CPVL: variants seen among roughly 807,000 people sequenced by gnomAD.
The protein encoded by CPVL is carboxypeptidase vitellogenic like.
In CPVL, 51 loss-of-function variants were observed where a neutral mutation model predicts 63.7. The observed-to-expected ratio is 0.80, with a 90% CI of 0.64 to 1.01. CPVL has a LOEUF of 1.01. CPVL is among the 50% of genes least tolerant of loss of function. CPVL has a pLI of 0.00. For synonymous variants in CPVL, 195 were observed against 206.0 expected (o/e 0.95, Z 0.46); for missense variants, 530 against 573.1 (o/e 0.92, Z 0.77).
At chr7:29,100,920 T>C (rs181438901) in intron 3 of CPVL, among the ~76,000 whole-genome samples, 188 of 152,302 alleles carry the variant, frequency 1.2e-3, no homozygotes, top group African/African-American at 4.0e-3. Flanking sequence ...TAAAAGTATA[T>C]GTGTTCAATG....
chr7:29,096,418 A>T (rs1436643936), intron 3 of CPVL: 23 of 582,598 alleles, frequency 3.9e-5, no homozygotes, highest in Non-Finnish European at 5.8e-5. Context: ...GCTGTGCCTC[A>T]TATGCTGGTG....
At position 29,102,895 on chromosome 7, in the gene CPVL, C is replaced by T. The variant is rs186114591; in HGVS notation, c.289-6678G>A. On this transcript the variant is annotated intron_variant, in intron 3 of 12. Transcript: ENST00000265394. ...ACATTAGCAAATTCCATTGCTTATT[C>T]ACAATGATGATGAAAAATCTACTCC... Among the ~76,000 whole-genome samples, 498 of 152,258 alleles carry T rather than the reference C, an allele frequency of 3.3e-3. 8 individuals carry two copies. The highest frequency in any genetic ancestry group is 0.028 in the Admixed American group (427 of 15,300).
chr7:29,135,671 TAA>T (rs376347647), intron 1 of CPVL, among the ~76,000 whole-genome samples: 156 of 152,042 alleles, frequency 1.0e-3, no homozygotes, highest in East Asian at 7.7e-3. Flanking sequence ...CAGAAATACA[TAA>T]GAGTTATTTA....
chr7:29,095,212 A>T, intron 4 of CPVL, 70 bp from the exon 5 acceptor site: 1 of 1,306,384 alleles, frequency 7.7e-7, no homozygotes, highest in Non-Finnish European at 1.1e-6. Flanking sequence ...CATGGTGGTC[A>T]GAAGCCCAAC....
chr7:29,194,897 T>C (rs753479416), intron 1 of CPVL: 1 of 1,444,350 alleles, frequency 6.9e-7, no homozygotes. Context: ...GGCGGCGGCG[T>C]CCGCACCGGG....
At chr7:29,192,696 TC>T (rs1255283009) in intron 1 of CPVL, 1 of 152,250 alleles carries the variant, frequency 6.6e-6, no homozygotes, top group African/African-American at 2.4e-5. Context: ...CTTCACAGCA[TC>T]CTGTGTTATC....
At chr7:29,084,198 C>T (rs976553842) in intron 7 of CPVL, among the ~76,000 whole-genome samples, 17 of 152,300 alleles carry the variant, frequency 1.1e-4, no homozygotes, top group Admixed American at 1.1e-3. Context: ...CCAAACTCTG[C>T]CACAGGCAGC....
At chr7:29,165,566 C>G (rs951988950) in intron 5 of CPVL, among the ~76,000 whole-genome samples, 2 of 152,062 alleles carry the variant, frequency 1.3e-5, no homozygotes, top group African/African-American at 4.8e-5. Context: ...TTCATTAATA[C>G]ATTTGCCATA....
intron 3 of CPVL, among the ~76,000 whole-genome samples, chr7:29,104,754 G>A (rs1787552703): frequency 6.6e-6 from 1 of 152,170 alleles, no homozygotes; most frequent in Admixed American, 6.5e-5. Context: ...CCTCCTGCCA[G>A]AAAGTTATAC....
At chr7:29,147,204 G>A, upstream of CPVL, 1 of 528,900 alleles carries the variant, frequency 1.9e-6, no homozygotes, top group Non-Finnish European at 3.3e-6. Flanking sequence ...AACTAAAAAA[G>A]GCAAGGAGGT....
chr7:29,086,349 A>G (rs1785201105), intron 7 of CPVL, 135 bp downstream of exon 7: 1 of 534,122 alleles, frequency 1.9e-6, no homozygotes, highest in Non-Finnish European at 3.4e-6. Flanking sequence ...AATTTTGAAT[A>G]AAGGCTGAAT....
At chr7:29,194,711 C>T in intron 1 of CPVL, 1 of 411,868 alleles carries the variant, frequency 2.4e-6, no homozygotes, top group East Asian at 4.0e-5. Flanking sequence ...CATAGAAAAG[C>T]GTGCAAAGGC....
At chr7:28,998,756 G>T (rs1784331474) in intron 12 of CPVL, among the ~76,000 whole-genome samples, 1 of 152,018 alleles carries the variant, frequency 6.6e-6, no homozygotes, top group Admixed American at 6.5e-5. Context: ...TGAGCTGACT[G>T]AGCCACTGCA....
chr7:29,015,155 C>G (rs1270191267), intron 12 of CPVL, among the ~76,000 whole-genome samples: 1 of 152,176 alleles, frequency 6.6e-6, no homozygotes, highest in Admixed American at 6.5e-5. Flanking sequence ...ATGAACCATG[C>G]CTCCTCCATC....
At chr7:29,151,579 C>A (rs541786112) in intron 5 of CPVL, among the ~76,000 whole-genome samples, 4 of 152,092 alleles carry the variant, frequency 2.6e-5, no homozygotes, top group Non-Finnish European at 5.9e-5. Context: ...TTGCCCAACA[C>A]TTTTTATATA....
At chr7:29,141,984 C>A (rs192508720) in intron 1 of CPVL, among the ~76,000 whole-genome samples, 1 of 151,982 alleles carries the variant, frequency 6.6e-6, no homozygotes, top group African/African-American at 2.4e-5. Flanking sequence ...GGCTTCTGAT[C>A]TGCAAGTGGG....
At chr7:29,086,994 G>A (rs1016109881) in intron 6 of CPVL, among the ~76,000 whole-genome samples, 11 of 152,074 alleles carry the variant, frequency 7.2e-5, no homozygotes, top group Admixed American at 7.2e-4. Flanking sequence ...CTCCAAGAAT[G>A]CCACATTTTA....
chr7:29,161,404 T>C (rs1311501221), intron 5 of CPVL, among the ~76,000 whole-genome samples: 1 of 152,210 alleles, frequency 6.6e-6, no homozygotes, highest in Non-Finnish European at 1.5e-5. Flanking sequence ...TTTCTTAGCA[T>C]GCAGCAACTT....
At chr7:29,092,173 A>C (rs1383173796) in intron 6 of CPVL, among the ~76,000 whole-genome samples, 2 of 135,766 alleles carry the variant, frequency 1.5e-5, no homozygotes, top group Non-Finnish European at 3.0e-5. Flanking sequence ...ACAACTTTAC[A>C]TTTTTCCTTT....
Sources: allele counts gnomAD v4.1 joint callset (sites outside exome capture counted in the v4.1 genomes callset), GRCh38; gene constraint gnomAD v4.1.1; transcripts MANE v1.5; gene names NCBI Gene and HGNC (gene_info 2026-07-23, HGNC 2026-07-21).